Variants in RPL7A observed in about 807,000 individuals in gnomAD.
RPL7A encodes the protein ribosomal protein L7a.
For synonymous variants in RPL7A, 158 were observed against 128.2 expected, an observed-to-expected ratio of 1.23 and a Z score of -1.57; for missense variants, 291 against 338.2, an observed-to-expected ratio of 0.86 and a Z score of 1.09.
At chr9:133,350,389 C>A in intron 5 of RPL7A, 70 bp downstream of exon 5, 1 of 1,575,768 alleles carries the variant, frequency 6.3e-7, no homozygotes, top group Non-Finnish European at 8.7e-7. Flanking sequence ...AGACCTAATG[C>A]CAAGTCAGTG....
At position 133,350,608 on chromosome 9, in the gene RPL7A, C is replaced by G; in HGVS notation, c.507C>G (p.Phe169Leu). 6.2e-7 allele frequency: 1 copy of G among 1,614,044 alleles called. No individual in the cohort carries two copies. Among genetic ancestry groups the G allele is most frequent in the Non-Finnish European group, 8.5e-7 (1 of 1,179,908 alleles). ...HDVDPIELVV[F>L]LPALCRKMGV... ...ATGCTTTCTTCCAGCTGGTTGTCTT[C>G]TTGCCTGCCCTGTGTCGTAAAATGG... Residue 169 changes from phenylalanine to leucine, a missense_variant, in exon 6 of 8, where the codon TTC (phenylalanine) becomes TTG (leucine). Physicochemically the swap from Phe to Leu is conservative, Grantham distance 22 (BLOSUM62 0). Coordinates refer to ENST00000323345, the MANE Select transcript of RPL7A (RefSeq NM_000972.3).
In RPL7A at chr9:133,350,522, G is replaced by T. The variant is rs2129994353; in HGVS notation, c.496-75G>T. 2.5e-6 allele frequency: 4 copies of T among 1,609,868 alleles called. No individual in the cohort carries two copies. In the Admixed American group the frequency reaches 6.7e-5, roughly 27 times the overall value. On this transcript the variant is annotated intron_variant, in intron 5 of 7. Transcript: ENST00000323345. ...GCGAATCCATGAGCTTTTTAACCCT[G>T]AGCAATTGTTACAAGCTAACTGAAA...
intron 2 of RPL7A, 123 bp downstream of exon 2, chr9:133,349,165 C>G (rs962387899): frequency 2.2e-5 from 26 of 1,169,680 alleles, no homozygotes; most frequent in Non-Finnish European, 2.8e-5. Flanking sequence ...TAATTTGTGT[C>G]TCTTAGAGAC....
At chr9:133,349,331 C>T (rs2129984842) in intron 2 of RPL7A, 10 of 820,684 alleles carry the variant, frequency 1.2e-5, no homozygotes, top group African/African-American at 5.0e-5. Context: ...TGCTGTACTT[C>T]GTGGCACCTT....
At chr9:133,351,172 G>A in intron 7 of RPL7A, 90 bp from the exon 8 acceptor site, 1 of 1,540,242 alleles carries the variant, frequency 6.5e-7, no homozygotes, top group Non-Finnish European at 8.9e-7. Flanking sequence ...CGATCAGCTT[G>A]GAACAGCCAA....
Position 133,351,419 on chromosome 9 carries a change from T to C in RPL7A, c.*53T>C. 1 of 1,348,396 alleles carries C rather than the reference T, an allele frequency of 7.4e-7. No individual in the cohort carries two copies. Among genetic ancestry groups the C allele is most frequent in the South Asian group, 1.2e-5 (1 of 82,768 alleles). The allele number at this position is 1,348,396 out of a possible 1,614,324, so 83.5% of individuals were successfully genotyped here. ...AAAAATAATTGAAATAATACAAATT[T>C]TCCTTCAGCCAGTGTCTGTTGAGTA... is the stretch of plus-strand genomic sequence containing the variant. On this transcript the variant is annotated 3_prime_UTR_variant, in exon 8 of 8. Transcript: ENST00000323345.
At chr9:133,350,192 GAC>G (rs2129991974) in intron 4 of RPL7A, 46 bp from the exon 5 acceptor site, 2 of 1,612,194 alleles carry the variant, frequency 1.2e-6, no homozygotes, top group Admixed American at 1.7e-5. Context: ...AGCTTCTTGT[GAC>G]TAGAGCAGGC....
At position 133,350,609 on chromosome 9, in the gene RPL7A, T is replaced by C. The variant is rs1588686465; in HGVS notation, c.508T>C (p.Leu170=). Residue 170 remains leucine (L), a synonymous_variant, in exon 6 of 8, where the codon TTG becomes CTG. Transcript: ENST00000323345. ...TGCTTTCTTCCAGCTGGTTGTCTTC[T>C]TGCCTGCCCTGTGTCGTAAAATGGG... ...DVDPIELVVF[L]PALCRKMGVP... 5 of 1,614,054 alleles carry C rather than the reference T, an allele frequency of 3.1e-6. No individual in the cohort carries two copies. In the East Asian group the frequency reaches 1.1e-4, roughly 36 times the overall value.
At chr9:133,349,104 G>A in intron 2 of RPL7A, 62 bp downstream of exon 2, 2 of 1,595,916 alleles carry the variant, frequency 1.3e-6, no homozygotes, top group Non-Finnish European at 8.6e-7. Context: ...GTGGTAATTG[G>A]GTTGTGTTGT....
Position 133,348,928 on chromosome 9 carries a change from G to A in RPL7A, c.10G>A (p.Gly4Arg), listed in dbSNP as rs1836298063. The change falls in exon 2 of 8, where the codon GGA (glycine) becomes AGA (arginine). Residue 4 changes from glycine to arginine, a missense_variant. Transcript: ENST00000323345. Reference protein sequence around the residue: MPKGKKAKGKKVAP... With the variant: MPKRKKAKGKKVAP... ...ACGTTTTCTTTCTGCCCAGCCGAAA[G>A]GAAAGAAGGCCAAGGGAAAGAAGGT... The A allele has an allele frequency of 3.7e-6, 6 of 1,613,856 alleles. No homozygotes were observed. Among genetic ancestry groups the A allele is most frequent in the African/African-American group, 1.3e-5 (1 of 74,922 alleles).
At chr9:133,349,819 T>C (rs1437734743) in intron 3 of RPL7A, 93 bp from the exon 4 acceptor site, 6 of 1,578,422 alleles carry the variant, frequency 3.8e-6, no homozygotes, top group East Asian at 4.5e-5. Flanking sequence ...TATAGTCATA[T>C]AGCAGGACCG....
intron 1 of RPL7A, chr9:133,348,695 C>T (rs2129979961): frequency 2.7e-6 from 2 of 732,738 alleles, no homozygotes; most frequent in East Asian, 5.5e-5. Flanking sequence ...TGGTCTCGGG[C>T]TTAGCCTTGC....
intron 2 of RPL7A, 31 bp from the exon 3 acceptor site, chr9:133,349,520 G>A: frequency 6.2e-7 from 1 of 1,613,946 alleles, no homozygotes; most frequent in Non-Finnish European, 8.5e-7. Context: ...TGGAATTTGA[G>A]CCTCACTCGG....
At chr9:133,350,905 T>G (rs2129996827) in intron 6 of RPL7A, 97 bp from the exon 7 acceptor site, 1 of 1,503,418 alleles carries the variant, frequency 6.7e-7, no homozygotes, top group East Asian at 2.3e-5. Flanking sequence ...GCATTGCATC[T>G]GAGGCAAAAG....
At chr9:133,349,731 T>C in intron 3 of RPL7A, 31 bp downstream of exon 3, 5 of 1,611,016 alleles carry the variant, frequency 3.1e-6, no homozygotes, top group Non-Finnish European at 4.2e-6. Flanking sequence ...AAGGAGTTTC[T>C]CAGGCAAGGA....
intron 6 of RPL7A, 73 bp from the exon 7 acceptor site, chr9:133,350,929 A>G (rs2129996964): frequency 3.9e-6 from 6 of 1,549,836 alleles, no homozygotes; most frequent in Admixed American, 1.7e-5. Context: ...GTCTTGAGCT[A>G]AAAGGTATTT....
chr9:133,349,130 G>T, intron 2 of RPL7A, 88 bp downstream of exon 2: 1 of 1,518,746 alleles, frequency 6.6e-7, no homozygotes, highest in Non-Finnish European at 9.0e-7. Context: ...GTAGGTTTTA[G>T]TGGGTGTAAA....
intron 7 of RPL7A, 46 bp downstream of exon 7, chr9:133,351,117 C>T (rs2129998242): frequency 1.3e-6 from 2 of 1,593,928 alleles, no homozygotes; most frequent in South Asian, 1.1e-5. Flanking sequence ...ACAAATCTTT[C>T]TCCCAAATAA....
intron 3 of RPL7A, 69 bp from the exon 4 acceptor site, chr9:133,349,840 TTTG>T (rs1219727984): frequency 3.1e-6 from 5 of 1,590,012 alleles, no homozygotes; most frequent in Admixed American, 1.8e-5. Flanking sequence ...CAGTCCAGCA[TTTG>T]TTATTAAGTG....
Sources: gnomAD v4.1 joint callset for allele counts on GRCh38, gnomAD v4.1.1 for gene constraint, MANE v1.5 for transcripts, NCBI Gene and HGNC (gene_info 2026-07-23, HGNC 2026-07-21) for gene names.